Variants in PSTPIP1 observed in about 807,000 individuals in gnomAD.
The protein encoded by PSTPIP1 is proline-serine-threonine phosphatase-interacting protein 1.
PSTPIP1 carries 66 observed loss-of-function variants against 69.6 expected under a neutral mutation model. The observed-to-expected ratio is 0.95, with a 90% CI of 0.78 to 1.16. PSTPIP1 has a LOEUF of 1.16. Among genes scored for constraint, PSTPIP1 ranks in the 50% most tolerant of loss-of-function variants. The probability of loss-of-function intolerance (pLI) is 0.00; values close to 1 mark genes in which losing one functional copy is unlikely to be tolerated. For missense variants in PSTPIP1, 603 were observed against 557.4 expected (o/e 1.08, Z -0.82); for synonymous variants, 266 against 222.7 (o/e 1.19, Z -1.73).
At chr15:76,994,903 G>C (rs556896344), upstream of PSTPIP1, 1 of 1,283,024 alleles carries the variant, frequency 7.8e-7, no homozygotes, top group Non-Finnish European at 1.0e-6. Context: ...ACTGGCTGGC[G>C]GGTGACACAC....
Position 77,032,847 on chromosome 15 carries a change from G to T in PSTPIP1, c.839-15G>T, listed in dbSNP as rs1263276335. On this transcript the variant is annotated splice_polypyrimidine_tract_variant and intron_variant, in intron 11 of 14. Coordinates refer to ENST00000558012, the MANE Select transcript of PSTPIP1 (RefSeq NM_003978.5). ...GTTGGGGGCCGCCCTGGGGCTCACG[G>T]CTTGCTGTCTGCAGCTCCGGTGCCC... 1 of 1,557,430 alleles carries T rather than the reference G, an allele frequency of 6.4e-7. No homozygotes were observed. Among genetic ancestry groups the T allele is most frequent in the Non-Finnish European group, 8.7e-7 (1 of 1,150,414 alleles).
intron 1 of PSTPIP1, among the ~76,000 whole-genome samples, chr15:77,014,156 T>A (rs773636914): frequency 6.6e-5 from 10 of 152,180 alleles, no homozygotes; most frequent in Admixed American, 1.3e-4. Context: ...ATATCCCAGC[T>A]GCACCCGGCA....
chr15:77,031,617 G>A (rs551392704), intron 10 of PSTPIP1: 13 of 276,824 alleles, frequency 4.7e-5, no homozygotes, highest in South Asian at 4.1e-4. Context: ...CTGGAGGACC[G>A]TGGCTGCTCT....
At chr15:77,017,564 G>A (rs1040429379) in intron 1 of PSTPIP1, among the ~76,000 whole-genome samples, 1 of 152,302 alleles carries the variant, frequency 6.6e-6, no homozygotes, top group South Asian at 2.1e-4. Flanking sequence ...AGAGCCCAGC[G>A]CAGCATCTGG....
intron 1 of PSTPIP1, among the ~76,000 whole-genome samples, chr15:77,014,756 C>G (rs2076017016): frequency 6.6e-6 from 1 of 152,264 alleles, no homozygotes; most frequent in East Asian, 1.9e-4. Flanking sequence ...CACACCAACA[C>G]CCACCAGAGA....
At chr15:77,001,605 T>C (rs2075709302) in intron 1 of PSTPIP1, among the ~76,000 whole-genome samples, 1 of 152,202 alleles carries the variant, frequency 6.6e-6, no homozygotes, top group Non-Finnish European at 1.5e-5. Context: ...TGCCACCAAG[T>C]ACCTTCCCGG....
intron 3 of PSTPIP1, among the ~76,000 whole-genome samples, chr15:77,021,423 G>GC (rs777014246): frequency 7.9e-4 from 120 of 152,320 alleles, no homozygotes; most frequent in Middle Eastern, 6.8e-3. Flanking sequence ...CAGGCGCCGT[G>GC]CCTCACGCCT....
In PSTPIP1 at chr15:77,036,975, C is replaced by G. The variant is rs888823457; in HGVS notation, c.1120-70C>G. On this transcript the variant is annotated intron_variant, in intron 14 of 14. Coordinates refer to ENST00000558012, the MANE Select transcript of PSTPIP1 (RefSeq NM_003978.5). ...GCATTTACTGCTGGGTGGGGGAACGCCAGGCCCCTCCCTGCAGGCCCTTCC... is the reference window on the plus strand; with the variant it reads ...GCATTTACTGCTGGGTGGGGGAACGGCAGGCCCCTCCCTGCAGGCCCTTCC... 4 of 1,572,716 alleles carry G rather than the reference C, an allele frequency of 2.5e-6. No individual in the cohort carries two copies. The South Asian group carries it at 3.4e-5, about 13-fold the overall frequency.
At position 77,037,165 on chromosome 15, in the gene PSTPIP1, G is replaced by A. The variant is rs2076601264; in HGVS notation, c.1240G>A (p.Glu414Lys). Residue 414 changes from glutamate to lysine, a missense_variant, in exon 15 of 15, where the codon GAG (glutamate) becomes AAG (lysine). Transcript: ENST00000558012. ...QRGFVPGSYL[E>K]KL Reference sequence around the variant, plus strand: ...TGGCTTCGTCCCTGGTTCCTACCTGGAGAAGCTTTGAGGAAGGGCCAGGAG... The same window carrying A: ...TGGCTTCGTCCCTGGTTCCTACCTGAAGAAGCTTTGAGGAAGGGCCAGGAG... 1 of 1,606,884 alleles carries A rather than the reference G, an allele frequency of 6.2e-7. No individual in the cohort carries two copies. The highest frequency in any genetic ancestry group is 8.5e-7 in the Non-Finnish European group (1 of 1,177,658).
rs368503235 is a variant in PSTPIP1, at chr15:76,995,525, G to C, written c.-49G>C. ...GCTGCTGGCGCCTGGCCCTCCATCA[G>C]GCCAGCCTGTGGCAGGAGAGTGAGC... On this transcript the variant is annotated 5_prime_UTR_variant, in exon 1 of 15. Coordinates refer to ENST00000558012, the MANE Select transcript of PSTPIP1 (RefSeq NM_003978.5). The C allele has an allele frequency of 1.2e-6, 2 of 1,613,446 alleles. No homozygotes were observed. Among genetic ancestry groups the C allele is most frequent in the African/African-American group, 2.7e-5 (2 of 74,936 alleles).
upstream of PSTPIP1, chr15:76,994,871 G>A (rs1272761369): frequency 7.8e-7 from 1 of 1,288,728 alleles, no homozygotes; most frequent in Admixed American, 2.3e-5. Context: ...GCATCTCTGG[G>A]CCCAGCCTGG....
intron 1 of PSTPIP1, among the ~76,000 whole-genome samples, chr15:77,000,502 C>T (rs1010238565): frequency 6.8e-6 from 1 of 148,138 alleles, no homozygotes; most frequent in East Asian, 1.9e-4. Context: ...CACACACACA[C>T]ATACACACAC....
chr15:77,035,163 T>C (rs535713285), intron 12 of PSTPIP1, among the ~76,000 whole-genome samples: 1 of 152,042 alleles, frequency 6.6e-6, no homozygotes, highest in South Asian at 2.1e-4. Context: ...AGTGCGGAGG[T>C]CCTAGAACCC....
rs369498554 is a variant in PSTPIP1, at chr15:77,035,802, C to G, written c.986C>G (p.Ala329Gly). Residue 329 changes from alanine (A) to glycine (G), a missense_variant and splice_region_variant, in exon 14 of 15, where the codon GCG becomes GGG. Coordinates refer to ENST00000558012, the MANE Select transcript of PSTPIP1 (RefSeq NM_003978.5). ...GGTCTATGTCTCACCCTGCTCTTAG[C>G]GTCCACAGAGACCCTGACCCCCACC... ...PKTTSLAASA[A>G]STETLTPTPE... The G allele has an allele frequency of 5.6e-6, 9 of 1,605,826 alleles. No individual in the cohort carries two copies. Among genetic ancestry groups the G allele is most frequent in the African/African-American group, 2.7e-5 (2 of 74,908 alleles).
At chr15:76,995,012 G>T (rs1482439602), upstream of PSTPIP1, 27 of 1,188,058 alleles carry the variant, frequency 2.3e-5, no homozygotes, top group East Asian at 1.3e-3. Flanking sequence ...CTCGGGAGGG[G>T]GCAAGCAGAG....
chr15:77,029,344 A>T (rs1031741253), intron 7 of PSTPIP1, among the ~76,000 whole-genome samples, 185 bp from the exon 8 acceptor site: 1 of 152,088 alleles, frequency 6.6e-6, no homozygotes, highest in Non-Finnish European at 1.5e-5. Context: ...TTCTCTTTCC[A>T]TGGAGCTAGC....
At chr15:77,009,335 G>A (rs2075885860) in intron 1 of PSTPIP1, among the ~76,000 whole-genome samples, 1 of 152,164 alleles carries the variant, frequency 6.6e-6, no homozygotes, top group African/African-American at 2.4e-5. Context: ...TGAAGCTCTA[G>A]GGGCCCATCT....
intron 1 of PSTPIP1, chr15:77,016,033 T>A (rs754171160): frequency 2.2e-6 from 1 of 456,216 alleles, no homozygotes; most frequent in South Asian, 1.5e-5. Flanking sequence ...TCTGGGGGCC[T>A]CCATAAGGAC....
chr15:77,027,324 G>C lies in PSTPIP1; in HGVS notation c.355-528G>C, dbSNP rs1050034027. ...CAGACCTCGGCACAGGGGCCCAGTGGCCACTGTGCCTGCATGTGGCCTGTG... is the reference window on the plus strand; with the variant it reads ...CAGACCTCGGCACAGGGGCCCAGTGCCCACTGTGCCTGCATGTGGCCTGTG... On this transcript the variant is annotated intron_variant, in intron 5 of 14. Transcript: ENST00000558012. The surrounding 1 kb of genome is among the most constrained non-coding windows in gnomAD (Gnocchi z 4.3). Among the ~76,000 whole-genome samples, 5 of 152,204 alleles carry C rather than the reference G, an allele frequency of 3.3e-5. No homozygotes were observed. Among genetic ancestry groups the C allele is most frequent in the African/African-American group, 1.2e-4 (5 of 41,460 alleles).
Sources: allele counts gnomAD v4.1 joint callset (sites outside exome capture counted in the v4.1 genomes callset), GRCh38; gene constraint gnomAD v4.1.1; non-coding constraint Gnocchi (gnomAD v3.1); transcripts MANE v1.5; gene names NCBI Gene and HGNC (gene_info 2026-07-23, HGNC 2026-07-21).